The following NOS1 variants were observed in gnomAD, a reference collection of about 807,000 sequenced individuals.
The protein encoded by NOS1 is NOS type I.
A neutral mutation model predicts 164.5 loss-of-function variants in NOS1; 51 were observed. The ratio of observed to expected loss-of-function variants is 0.31; its 90% CI spans 0.25 to 0.39. The LOEUF is 0.39. Ranked by LOEUF, NOS1 falls within the 10% of genes least tolerant of loss-of-function variation. NOS1 has a pLI of 1.00. For synonymous variants in NOS1, 719 were observed against 745.8 expected, an observed-to-expected ratio of 0.96 and a Z score of 0.59; for missense variants, 1,362 against 1,885.6, an observed-to-expected ratio of 0.72 and a Z score of 5.14.
At chr12:117,237,105 T>A (rs1430727592) in intron 20 of NOS1, among the ~76,000 whole-genome samples, 1 of 152,244 alleles carries the variant, frequency 6.6e-6, no homozygotes, top group Non-Finnish European at 1.5e-5. Flanking sequence ...CCAATTGTCT[T>A]AAATCTCAGT....
Position 117,331,245 on chromosome 12 carries a change from T to C in NOS1, c.-176A>G, listed in dbSNP as rs867058400. 12 of 709,168 alleles carry C rather than the reference T, an allele frequency of 1.7e-5. No homozygotes were observed. Among genetic ancestry groups the C allele is most frequent in the Admixed American group, 1.2e-4 (4 of 34,602 alleles). 43.9% of individuals were successfully genotyped at this position (709,168 alleles called of 1,614,324 possible). A position where few individuals can be genotyped will look rare whatever the true frequency, so the allele number is the denominator to read the frequency against. ...ACGTCAGCTCAGCGTCACCCACTCA[T>C]GGCTGGTGGCCCGTCGGTGGCATGA... On this transcript the variant is annotated 5_prime_UTR_variant, in exon 2 of 29. An upstream start codon of the reference 5' UTR is lost. Coordinates refer to ENST00000317775, the MANE Select transcript of NOS1 (RefSeq NM_000620.5).
intron 16 of NOS1, among the ~76,000 whole-genome samples, chr12:117,254,658 C>T (rs962965207): frequency 1.3e-5 from 2 of 151,636 alleles, no homozygotes; most frequent in African/African-American, 2.4e-5. Flanking sequence ...GTGGTTGGTA[C>T]ACTGCAAACC....
chr12:117,331,192 G>A lies in NOS1; in HGVS notation c.-123C>T. 7.8e-7 allele frequency: 1 copy of A among 1,276,402 alleles called. No homozygotes were observed. Among genetic ancestry groups the A allele is most frequent in the Non-Finnish European group, 1.1e-6 (1 of 927,460 alleles). 79.1% of individuals were successfully genotyped at this position (1,276,402 alleles called of 1,614,324 possible). On this transcript the variant is annotated 5_prime_UTR_variant, in exon 2 of 29. Coordinates refer to ENST00000317775, the MANE Select transcript of NOS1 (RefSeq NM_000620.5). The stretch of plus-strand genomic sequence containing the variant: ...AGCAGGAGCCGGGGTGACAGGTGCT[G>A]ACAAGGCTTCAGCCCTCTCTGTCTT...
At chr12:117,256,215 C>T (rs12829185) in intron 16 of NOS1, among the ~76,000 whole-genome samples, 26,475 of 151,044 alleles carry the variant, frequency 0.18, 2,616 homozygotes, top group Middle Eastern at 0.31. Context: ...CGGTCAGTCT[C>T]CTGGGTATCA....
chr12:117,303,035 C>T (rs575991947), intron 3 of NOS1, among the ~76,000 whole-genome samples: 3 of 152,252 alleles, frequency 2.0e-5, no homozygotes, highest in South Asian at 4.1e-4. Flanking sequence ...TGTGAGCCAC[C>T]GCGCTGGGCC....
Position 117,210,840 on chromosome 12 carries a change from C to G in NOS1, c.*4469G>C. The G allele has an allele frequency of 5.1e-6, 5 of 985,440 alleles. No individual in the cohort carries two copies. In the African/African-American group the frequency reaches 7.0e-5, roughly 14 times the overall value. The allele number at this position is 985,440 out of a possible 1,614,324, so 61.0% of individuals were successfully genotyped here. ...TGGCTGGACTTGGGAAGGATTCACC[C>G]TGTTGACTCCAGAGAAGCTGACTAT... On this transcript the variant is annotated 3_prime_UTR_variant, in exon 29 of 29. Coordinates refer to ENST00000317775, the MANE Select transcript of NOS1 (RefSeq NM_000620.5).
chr12:117,220,406 C>A (rs1384792732), intron 26 of NOS1, 137 bp from the exon 27 acceptor site: 6 of 813,396 alleles, frequency 7.4e-6, no homozygotes, highest in Middle Eastern at 3.7e-4. Context: ...TCCCAGGGAA[C>A]AAGAGTGAGG....
chr12:117,312,401 C>CCTG (rs1874475140), intron 2 of NOS1, among the ~76,000 whole-genome samples: 1 of 151,212 alleles, frequency 6.6e-6, no homozygotes, highest in African/African-American at 2.4e-5. Flanking sequence ...CTTGTGACAA[C>CCTG]CCTTTGAGGC....
chr12:117,352,985 A>G (rs1203417912), intron 1 of NOS1, among the ~76,000 whole-genome samples: 2 of 152,088 alleles, frequency 1.3e-5, no homozygotes, highest in African/African-American at 2.4e-5. Flanking sequence ...ATATCTACCT[A>G]CTTGTCTTTC....
Position 117,208,292 on chromosome 12 carries a change from G to A in NOS1, c.*7017C>T, listed in dbSNP as rs1228690866. ...ACCTCGCAAAGAGCGTGGGGTGGGC[G>A]TCAGTCCTTCAAGGAAGGTGCTGGA... On this transcript the variant is annotated 3_prime_UTR_variant, in exon 29 of 29. Coordinates refer to ENST00000317775, the MANE Select transcript of NOS1 (RefSeq NM_000620.5). The A allele has an allele frequency of 1.9e-5, 24 of 1,288,908 alleles. No homozygotes were observed. The highest frequency in any genetic ancestry group is 1.1e-4 in the East Asian group (2 of 18,036). The allele number at this position is 1,288,908 out of a possible 1,614,324, so 79.8% of individuals were successfully genotyped here.
chr12:117,319,053 G>A (rs2136062475), intron 2 of NOS1, among the ~76,000 whole-genome samples: 1 of 152,248 alleles, frequency 6.6e-6, no homozygotes, highest in Non-Finnish European at 1.5e-5. Flanking sequence ...TTGTTAAACA[G>A]AAAAGTATGC....
At chr12:117,276,762 C>T (rs2136004383) in intron 9 of NOS1, among the ~76,000 whole-genome samples, 1 of 152,300 alleles carries the variant, frequency 6.6e-6, no homozygotes, top group East Asian at 1.9e-4. Context: ...CCTTATTTCA[C>T]TTAACATAAT....
At position 117,242,484 on chromosome 12, in the gene NOS1, A is replaced by G. The variant is rs1870261406; in HGVS notation, c.3041+143T>C. On this transcript the variant is annotated intron_variant, in intron 20 of 28. Coordinates refer to ENST00000317775, the MANE Select transcript of NOS1 (RefSeq NM_000620.5). Reference sequence around the variant, plus strand: ...CAAAAGGAAAGCAGGAACCCCAGACACTATAAAGCAGCAAGGGGGTCTCTA... The same window carrying G: ...CAAAAGGAAAGCAGGAACCCCAGACGCTATAAAGCAGCAAGGGGGTCTCTA... 5 of 685,906 alleles carry G rather than the reference A, an allele frequency of 7.3e-6. No individual in the cohort carries two copies. The South Asian group carries it at 8.8e-5, about 12-fold the overall frequency. 42.5% of individuals were successfully genotyped at this position (685,906 alleles called of 1,614,324 possible).
intron 1 of NOS1, among the ~76,000 whole-genome samples, chr12:117,358,074 G>A (rs1204586231): frequency 2.0e-5 from 3 of 152,198 alleles, no homozygotes; most frequent in Non-Finnish European, 4.4e-5. Context: ...CAGAACCTGA[G>A]TGACAGGCAA....
chr12:117,252,886 C>T (rs968940680), intron 17 of NOS1, among the ~76,000 whole-genome samples: 8 of 152,214 alleles, frequency 5.3e-5, no homozygotes, highest in Non-Finnish European at 1.2e-4. Flanking sequence ...GAAGGTTCTT[C>T]CTACAGGGCA....
At chr12:117,266,517 A>G (rs896028148) in intron 11 of NOS1, among the ~76,000 whole-genome samples, 1 of 148,224 alleles carries the variant, frequency 6.7e-6, no homozygotes, top group African/African-American at 2.5e-5. Context: ...TTGTATAATG[A>G]CTTCTTTTAG....
At chr12:117,247,208 T>G in intron 18 of NOS1, 140 bp downstream of exon 18, 1 of 647,884 alleles carries the variant, frequency 1.5e-6, no homozygotes, top group Non-Finnish European at 2.5e-6. Flanking sequence ...CTGAGCTGTT[T>G]AAAGCTGTAT....
At chr12:117,353,033 T>TACCCATCCATCCATCCATCC (rs1555262928) in intron 1 of NOS1, among the ~76,000 whole-genome samples, 3 of 151,930 alleles carry the variant, frequency 2.0e-5, no homozygotes, top group African/African-American at 7.3e-5. Context: ...TCCATCCATC[T>TACCCATCCATCCATCCATCC]ATCCATCCAT....
intron 22 of NOS1, among the ~76,000 whole-genome samples, chr12:117,230,434 T>C (rs1869114414): frequency 6.6e-6 from 1 of 152,212 alleles, no homozygotes; most frequent in Admixed American, 6.5e-5. Flanking sequence ...TCCTTGGAGG[T>C]AACTACTTAC....
Sources: allele counts gnomAD v4.1 joint callset (sites outside exome capture counted in the v4.1 genomes callset), GRCh38; gene constraint gnomAD v4.1.1; transcripts MANE v1.5; gene names NCBI Gene and HGNC (gene_info 2026-07-23, HGNC 2026-07-21).